The following VEZF1 variants were observed in gnomAD, a reference collection of about 807,000 sequenced individuals.
VEZF1 encodes the protein vascular endothelial zinc finger 1.
VEZF1 carries 5 observed loss-of-function variants against 44.1 expected under a neutral mutation model. The observed-to-expected ratio is 0.11, with a 90% CI of 0.06 to 0.24. The LOEUF is 0.24. VEZF1 is among the 10% of genes least tolerant of loss of function. The pLI, the probability that VEZF1 is intolerant of heterozygous loss-of-function variation, is 1.00. For missense variants in VEZF1, 358 were observed against 641.8 expected (o/e 0.56, Z 4.78); for synonymous variants, 236 against 233.1 (o/e 1.01, Z -0.11).
Position 57,988,218 on chromosome 17 carries a change from G to T in VEZF1, c.-107C>A, listed in dbSNP as rs1455615503. ...CGGCGGCGGCGGCGGCAACGGCAGC[G>T]GCGGCTCCTCAACATGGCAGCGCCG... On this transcript the variant is annotated 5_prime_UTR_variant, in exon 1 of 6. Coordinates refer to ENST00000581208, the MANE Select transcript of VEZF1 (RefSeq NM_007146.3). The T allele has an allele frequency of 6.1e-5, 14 of 228,186 alleles. No homozygotes were observed. The highest frequency in any genetic ancestry group is 8.3e-5 in the Non-Finnish European group (10 of 120,020). 14.1% of individuals were successfully genotyped at this position (228,186 alleles called of 1,614,324 possible). A position where few individuals can be genotyped will look rare whatever the true frequency, so the allele number is the denominator to read the frequency against.
intron 3 of VEZF1, 116 bp downstream of exon 3, chr17:57,981,757 T>C: frequency 1.1e-6 from 1 of 877,862 alleles, no homozygotes; most frequent in Non-Finnish European, 1.7e-6. Context: ...ATGGGCCACA[T>C]TTACTCAGGT....
intron 3 of VEZF1, among the ~76,000 whole-genome samples, chr17:57,981,528 T>C (rs1245203298): frequency 1.3e-5 from 2 of 152,206 alleles, no homozygotes; most frequent in Non-Finnish European, 2.9e-5. Flanking sequence ...TTAAAACAAC[T>C]TCAATAATCA....
chr17:57,980,305 T>C (rs1003153204), intron 4 of VEZF1, among the ~76,000 whole-genome samples: 9 of 152,346 alleles, frequency 5.9e-5, no homozygotes, highest in Non-Finnish European at 4.4e-5. Context: ...AAGCAAAGCA[T>C]TTAAACCTTC....
At position 57,974,784 on chromosome 17, in the gene VEZF1, C is replaced by G; in HGVS notation, c.1255G>C (p.Ala419Pro). The change falls in exon 6 of 6, where the codon GCA becomes CCA. Residue 419 changes from alanine (A) to proline (P), a missense_variant. Physicochemically the swap from Ala to Pro is conservative, Grantham distance 27. Around this residue, in one of 4 missense-constraint regions of VEZF1, gnomAD observed 171 missense variants for 272.4 expected, o/e 0.63. Transcript: ENST00000581208. Reference protein sequence around the residue: ...SGTMSNPVTVAAAMSMRSPVN... With the variant: ...SGTMSNPVTVPAAMSMRSPVN... ...GGACTTCTCATGCTCATTGCAGCTGCCACTGTGACTGGGTTTGACATAGTC... is the reference window on the plus strand; with the variant it reads ...GGACTTCTCATGCTCATTGCAGCTGGCACTGTGACTGGGTTTGACATAGTC... The G allele has an allele frequency of 6.2e-7, 1 of 1,614,128 alleles. No homozygotes were observed. The highest frequency in any genetic ancestry group is 8.5e-7 in the Non-Finnish European group (1 of 1,180,034).
At chr17:57,982,669 A>C (rs772594369) in intron 2 of VEZF1, 30 bp downstream of exon 2, 1 of 1,562,600 alleles carries the variant, frequency 6.4e-7, no homozygotes, top group East Asian at 2.2e-5. Flanking sequence ...ACCATAATGA[A>C]GCAAAGCAAA....
At chr17:57,979,827 G>A (rs1443677085) in intron 4 of VEZF1, among the ~76,000 whole-genome samples, 7 of 151,788 alleles carry the variant, frequency 4.6e-5, no homozygotes, top group African/African-American at 1.5e-4. Context: ...AAAGGTAATC[G>A]GGCATGGCAG....
At chr17:57,984,714 G>C (rs905034949) in intron 1 of VEZF1, among the ~76,000 whole-genome samples, 1 of 152,116 alleles carries the variant, frequency 6.6e-6, no homozygotes, top group Non-Finnish European at 1.5e-5. Flanking sequence ...TCCTCTGATG[G>C]GTAAGAACAT....
At position 57,975,429 on chromosome 17, in the gene VEZF1, T is replaced by C. The variant is rs534280710; in HGVS notation, c.1139-529A>G. Among the ~76,000 whole-genome samples the C allele has an allele frequency of 1.1e-4, 17 of 152,390 alleles. No homozygotes were observed. The South Asian group carries it at 3.5e-3, about 32-fold the overall frequency. On this transcript the variant is annotated intron_variant, in intron 5 of 5. Coordinates refer to ENST00000581208, the MANE Select transcript of VEZF1 (RefSeq NM_007146.3). The stretch of plus-strand genomic sequence containing the variant: ...GAGAGGTGTGCATACTCAATAAGTA[T>C]GTTAAAGCCTGAGACATGAAGCCAC...
At chr17:57,979,022 G>A in intron 5 of VEZF1, 130 bp downstream of exon 5, 1 of 1,219,648 alleles carries the variant, frequency 8.2e-7, no homozygotes, top group South Asian at 1.5e-5. Context: ...ATATTTCCCA[G>A]CATGCACTAT....
rs906147694 is a variant in VEZF1, at chr17:57,976,222, C to T, written c.1139-1322G>A. Among the ~76,000 whole-genome samples the T allele has an allele frequency of 3.9e-5, 6 of 152,108 alleles. No individual in the cohort carries two copies. The South Asian group carries it at 6.2e-4, about 16-fold the overall frequency. The stretch of plus-strand genomic sequence containing the variant: ...TTGGCTATCAAAATGGAGAAATATA[C>T]TTGAACTAAAGATAGAGATCTGTAT... On this transcript the variant is annotated intron_variant, in intron 5 of 5. Coordinates refer to ENST00000581208, the MANE Select transcript of VEZF1 (RefSeq NM_007146.3).
chr17:57,988,100 G>A lies in VEZF1; in HGVS notation c.12C>T (p.Asn4=). 1.2e-6 allele frequency: 1 copy of A among 802,058 alleles called. No individual in the cohort carries two copies. Among genetic ancestry groups the A allele is most frequent in the Non-Finnish European group, 1.6e-6 (1 of 621,922 alleles). 49.7% of individuals were successfully genotyped at this position (802,058 alleles called of 1,614,324 possible). Residue 4 remains asparagine (N), a synonymous_variant, in exon 1 of 6, where the codon AAC becomes AAT. Coordinates refer to ENST00000581208, the MANE Select transcript of VEZF1 (RefSeq NM_007146.3). MEA[N]WTAFLFQAHE... Reference sequence around the variant, plus strand: ...GTACCTGGAACAGGAACGCGGTCCAGTTGGCCTCCATGGCTGCGGCGGCCG... The same window carrying A: ...GTACCTGGAACAGGAACGCGGTCCAATTGGCCTCCATGGCTGCGGCGGCCG...
At chr17:57,987,668 C>T (rs1274859141) in intron 1 of VEZF1, among the ~76,000 whole-genome samples, 1 of 152,104 alleles carries the variant, frequency 6.6e-6, no homozygotes, top group Non-Finnish European at 1.5e-5. Context: ...ACCTCCTCAC[C>T]CCACCGTGGG....
intron 4 of VEZF1, among the ~76,000 whole-genome samples, chr17:57,980,044 AAAG>A (rs1373406753): frequency 3.3e-5 from 5 of 152,068 alleles, no homozygotes; most frequent in Non-Finnish European, 7.4e-5. Flanking sequence ...GTGTACTTAC[AAAG>A]AAGTGTACTT....
rs570842673 is a variant in VEZF1, at chr17:57,985,562, A to G, written c.34-2169T>C. The G allele has an allele frequency of 9.5e-5, 54 of 567,296 alleles. 1 individual carries two copies. The South Asian group carries it at 3.9e-3, about 41-fold the overall frequency. 35.1% of individuals were successfully genotyped at this position (567,296 alleles called of 1,614,324 possible). On this transcript the variant is annotated intron_variant, in intron 1 of 5. Transcript: ENST00000581208. ...CTTCTGGGTAGGCTTTTATTTGACT[A>G]GCATCATCAAACCAAAGTTTTAATT...
chr17:57,987,025 G>A (rs1421066120), intron 1 of VEZF1, among the ~76,000 whole-genome samples: 2 of 152,210 alleles, frequency 1.3e-5, no homozygotes, highest in African/African-American at 4.8e-5. Flanking sequence ...TTCCAGCCTA[G>A]ATCTGCCAAA....
rs538697254 is a variant in VEZF1, at chr17:57,973,804, A to G, written c.*669T>C. On this transcript the variant is annotated 3_prime_UTR_variant, in exon 6 of 6. Coordinates refer to ENST00000581208, the MANE Select transcript of VEZF1 (RefSeq NM_007146.3). The stretch of plus-strand genomic sequence containing the variant: ...ATATTCCATCGGGATTAATATGCTG[A>G]GCAATATTTACATCTCCAAATATCA... The G allele has an allele frequency of 1.3e-5, 2 of 152,404 alleles. No homozygotes were observed. The highest frequency in any genetic ancestry group is 2.9e-5 in the Non-Finnish European group (2 of 68,080). The allele number at this position is 152,404 out of a possible 1,614,324, so 9.4% of individuals were successfully genotyped here. A position where few individuals can be genotyped will look rare whatever the true frequency, so the allele number is the denominator to read the frequency against.
chr17:57,987,632 G>A (rs1242795178), intron 1 of VEZF1, among the ~76,000 whole-genome samples: 2 of 152,050 alleles, frequency 1.3e-5, no homozygotes, highest in Non-Finnish European at 2.9e-5. Context: ...AAGTGGCGGG[G>A]AGGAGACTCA....
chr17:57,975,488 G>A (rs1409068059), intron 5 of VEZF1, among the ~76,000 whole-genome samples: 1 of 152,248 alleles, frequency 6.6e-6, no homozygotes, highest in Non-Finnish European at 1.5e-5. Flanking sequence ...CATAATTGGG[G>A]AATGATAAAC....
intron 3 of VEZF1, among the ~76,000 whole-genome samples, chr17:57,981,354 G>C (rs1269092922): frequency 2.6e-5 from 4 of 152,134 alleles, no homozygotes; most frequent in African/African-American, 4.8e-5. Flanking sequence ...ATTTGATTTA[G>C]CAAAATTCTT....
Sources: gnomAD v4.1 joint callset for allele counts (sites outside exome capture counted in the v4.1 genomes callset) on GRCh38, gnomAD v4.1.1 for gene constraint, gnomAD v4.1.1 regional missense constraint, MANE v1.5 for transcripts, NCBI Gene and HGNC (gene_info 2026-07-23, HGNC 2026-07-21) for gene names.